TENM4: variants seen among roughly 807,000 people sequenced by gnomAD.
The protein encoded by TENM4 is teneurin-4.
In TENM4, 82 loss-of-function variants were observed where a neutral mutation model predicts 243.3. That is an observed-to-expected ratio of 0.34 (90% CI 0.28 to 0.40). The LOEUF (loss-of-function observed/expected upper bound fraction) is 0.40, where lower values mean the gene tolerates loss of function less well. TENM4 is among the 10% of genes least tolerant of loss of function. TENM4 has a pLI of 1.00. For missense variants in TENM4, 3,138 were observed against 3,673.3 expected, an observed-to-expected ratio of 0.85 and a Z score of 3.77; for synonymous variants, 1,412 against 1,456.3, an observed-to-expected ratio of 0.97 and a Z score of 0.69.
At chr11:78,830,798 C>A (rs1163181351) in intron 12 of TENM4, among the ~76,000 whole-genome samples, 2 of 152,188 alleles carry the variant, frequency 1.3e-5, no homozygotes, top group Admixed American at 1.3e-4. Flanking sequence ...GGAATACTTT[C>A]AAAAACATCC....
At chr11:79,043,265 T>C (rs1264897770) in intron 6 of TENM4, among the ~76,000 whole-genome samples, 1 of 152,252 alleles carries the variant, frequency 6.6e-6, no homozygotes, top group Non-Finnish European at 1.5e-5. Context: ...CTTTTTATTC[T>C]ATGTTGTGTA....
chr11:78,915,319 T>A (rs1856290070), intron 6 of TENM4, among the ~76,000 whole-genome samples: 1 of 152,194 alleles, frequency 6.6e-6, no homozygotes, highest in Non-Finnish European at 1.5e-5. Flanking sequence ...CTCTGAGTTA[T>A]CACCATTTGT....
At chr11:79,264,309 C>G (rs1300032602) in intron 2 of TENM4, among the ~76,000 whole-genome samples, 1 of 152,118 alleles carries the variant, frequency 6.6e-6, no homozygotes, top group Non-Finnish European at 1.5e-5. Context: ...ATTAATCAAC[C>G]AATCAGCCAA....
intron 6 of TENM4, among the ~76,000 whole-genome samples, chr11:79,000,217 G>T (rs1349089936): frequency 6.6e-6 from 1 of 152,178 alleles, no homozygotes; most frequent in Non-Finnish European, 1.5e-5. Flanking sequence ...AGAATTTACT[G>T]CTAGGAGACC....
chr11:79,348,324 C>T (rs80198742), intron 1 of TENM4, among the ~76,000 whole-genome samples: 103 of 152,254 alleles, frequency 6.8e-4, no homozygotes, highest in African/African-American at 2.4e-3. Flanking sequence ...TAGCAAACAC[C>T]GGTTGCCTCC....
intron 12 of TENM4, among the ~76,000 whole-genome samples, chr11:78,824,511 T>TC (rs1350422518): frequency 2.0e-5 from 3 of 151,214 alleles, no homozygotes; most frequent in African/African-American, 7.3e-5. Context: ...TTCTTTTTTT[T>TC]TTTTTTTGGA....
chr11:79,101,453 G>T (rs991705960), intron 4 of TENM4, among the ~76,000 whole-genome samples: 1 of 152,226 alleles, frequency 6.6e-6, no homozygotes, highest in Non-Finnish European at 1.5e-5. Flanking sequence ...AACACACAGG[G>T]TCCTGGCTTT....
At position 79,388,596 on chromosome 11, in the gene TENM4, A is replaced by C. The variant is rs532384175; in HGVS notation, c.-321+51913T>G. The stretch of plus-strand genomic sequence containing the variant: ...GTGGGGCCTCGTGCACACAGGCAGG[A>C]GTTCCTCCCAGGCTACTTAGTTTGT... On this transcript the variant is annotated intron_variant, in intron 1 of 33. Transcript: ENST00000278550. Among the ~76,000 whole-genome samples, 3 of 152,278 alleles carry C rather than the reference A, an allele frequency of 2.0e-5. No individual in the cohort carries two copies. In the South Asian group the frequency reaches 6.2e-4, roughly 32 times the overall value.
rs534014982 is a variant in TENM4, at chr11:78,714,614, G to C, written c.3822-1900C>G. Among the ~76,000 whole-genome samples, 106 of 152,242 alleles carry C rather than the reference G, an allele frequency of 7.0e-4. 1 individual carries two copies. The highest frequency in any genetic ancestry group is 2.4e-3 in the African/African-American group (99 of 41,526). ...CTTCAAGGATTCCTTAATTCTTACAGAGAAGGTATGAGCTCCCTGCCCCTG... is the reference window on the plus strand; with the variant it reads ...CTTCAAGGATTCCTTAATTCTTACACAGAAGGTATGAGCTCCCTGCCCCTG... On this transcript the variant is annotated intron_variant, in intron 25 of 33. Coordinates refer to ENST00000278550, the MANE Select transcript of TENM4 (RefSeq NM_001098816.3).
chr11:78,830,232 C>G (rs1029273032), intron 12 of TENM4, among the ~76,000 whole-genome samples: 9 of 152,214 alleles, frequency 5.9e-5, no homozygotes, highest in Non-Finnish European at 1.0e-4. Flanking sequence ...ATCATACTGG[C>G]CAATGTCTGG....
At position 78,819,542 on chromosome 11, in the gene TENM4, T is replaced by C. The variant is rs367678749; in HGVS notation, c.1682-5147A>G. On this transcript the variant is annotated intron_variant, in intron 12 of 33. Coordinates refer to ENST00000278550, the MANE Select transcript of TENM4 (RefSeq NM_001098816.3). Reference sequence around the variant, plus strand: ...GCTTTTCTCCTCTGTCAGCTCACCATGGCATGGGCATACCTGCCTCTTGCC... The same window carrying C: ...GCTTTTCTCCTCTGTCAGCTCACCACGGCATGGGCATACCTGCCTCTTGCC... Among the ~76,000 whole-genome samples the C allele has an allele frequency of 1.3e-3, 194 of 152,330 alleles. 2 individuals are homozygous for C. The South Asian group carries it at 0.015, about 11-fold the overall frequency.
intron 4 of TENM4, among the ~76,000 whole-genome samples, chr11:79,072,205 C>G (rs1860431414): frequency 6.6e-6 from 1 of 152,082 alleles, no homozygotes; most frequent in Admixed American, 6.5e-5. Context: ...CATATTATGG[C>G]CAGGCATGGG....
At chr11:79,408,195 TG>T in intron 1 of TENM4, among the ~76,000 whole-genome samples, 1 of 152,278 alleles carries the variant, frequency 6.6e-6, no homozygotes. Context: ...TAAGCCACCA[TG>T]CTGGGCCAAC....
intron 3 of TENM4, among the ~76,000 whole-genome samples, chr11:79,178,540 C>G (rs115947604): frequency 0.012 from 1,760 of 152,172 alleles, 40 homozygotes; most frequent in South Asian, 0.04. Context: ...CCTCAGCAAA[C>G]AAAAAGGAAA....
At chr11:79,081,797 T>G (rs375915451) in intron 4 of TENM4, among the ~76,000 whole-genome samples, 7 of 152,064 alleles carry the variant, frequency 4.6e-5, no homozygotes, top group African/African-American at 1.7e-4. Context: ...ATTTCTGTTT[T>G]TATCCCCCCA....
At chr11:78,875,364 C>A (rs1048746824) in intron 9 of TENM4, among the ~76,000 whole-genome samples, 3 of 152,072 alleles carry the variant, frequency 2.0e-5, no homozygotes, top group Non-Finnish European at 2.9e-5. Context: ...CCACCATGCC[C>A]AGCTGATTTT....
intron 1 of TENM4, among the ~76,000 whole-genome samples, chr11:79,306,017 C>T (rs138908173): frequency 2.6e-5 from 4 of 152,342 alleles, no homozygotes; most frequent in African/African-American, 9.6e-5. Flanking sequence ...ACTCTGCTGG[C>T]GCAGGGGCTC....
intron 1 of TENM4, among the ~76,000 whole-genome samples, chr11:79,353,817 C>A (rs1242967552): frequency 6.6e-6 from 1 of 150,832 alleles, no homozygotes; most frequent in Non-Finnish European, 1.5e-5. Context: ...CAGGCCAAAT[C>A]CAGTTGGCCA....
chr11:79,383,585 T>C (rs962804380), intron 1 of TENM4, among the ~76,000 whole-genome samples: 1 of 152,174 alleles, frequency 6.6e-6, no homozygotes, highest in African/African-American at 2.4e-5. Context: ...CACTGGTGTG[T>C]CTTCATGTTC....
Sources: gnomAD v4.1 joint callset for allele counts (sites outside exome capture counted in the v4.1 genomes callset) on GRCh38, gnomAD v4.1.1 for gene constraint, MANE v1.5 for transcripts, NCBI Gene and HGNC (gene_info 2026-07-23, HGNC 2026-07-21) for gene names.